GABRG3: variants seen among roughly 807,000 people sequenced by gnomAD.
GABRG3 encodes the protein gamma-aminobutyric acid receptor subunit gamma-3.
A neutral mutation model predicts 48.8 loss-of-function variants in GABRG3; 25 were observed. That is an observed-to-expected ratio of 0.51 (90% CI 0.37 to 0.72). The LOEUF (loss-of-function observed/expected upper bound fraction) is 0.72, where lower values mean the gene tolerates loss of function less well. Among genes scored for constraint, GABRG3 ranks in the 30% least tolerant of loss-of-function variants. The probability of loss-of-function intolerance (pLI) is 0.00; values close to 1 mark genes in which losing one functional copy is unlikely to be tolerated. For missense variants in GABRG3, 394 were observed against 577.9 expected (o/e 0.68, Z 3.26); for synonymous variants, 227 against 217.6 (o/e 1.04, Z -0.38).
chr15:27,499,024 C>A (rs377298842), intron 6 of GABRG3, among the ~76,000 whole-genome samples: 2 of 152,188 alleles, frequency 1.3e-5, no homozygotes, highest in African/African-American at 4.8e-5. Context: ...GATATCTGCT[C>A]ATCAGTACTT....
chr15:27,326,703 G>A, intron 3 of GABRG3, 106 bp from the exon 4 acceptor site: 2 of 836,148 alleles, frequency 2.4e-6, no homozygotes, highest in Non-Finnish European at 3.9e-6. Flanking sequence ...GAATTGGGGA[G>A]GTGAGGATGT....
rs534701786 is a variant in GABRG3, at chr15:27,308,392, CATATA to C, written c.271-18410_271-18406del. On this transcript the variant is annotated intron_variant, in intron 3 of 9. Transcript: ENST00000615808. ...ATATAAACATTTGTTTATATATAAA[CATATA>C]ATATAAACATATATAAACATGTAAT... is the stretch of plus-strand genomic sequence containing the variant. Among the ~76,000 whole-genome samples, 344 of 139,168 alleles carry C rather than the reference CATATA, an allele frequency of 2.5e-3. 6 individuals are homozygous for C. The highest frequency in any genetic ancestry group is 7.8e-3 in the African/African-American group (281 of 36,224). The allele number at this position is 139,168 out of a possible 152,430, so 91.3% of individuals were successfully genotyped here. A position where few individuals can be genotyped will look rare whatever the true frequency, so the allele number is the denominator to read the frequency against.
At chr15:27,493,320 T>TA (rs1050125832) in intron 6 of GABRG3, among the ~76,000 whole-genome samples, 1 of 151,994 alleles carries the variant, frequency 6.6e-6, no homozygotes, top group Non-Finnish European at 1.5e-5. Flanking sequence ...ATTTTTTTTT[T>TA]AAAAAACTTA....
intron 5 of GABRG3, among the ~76,000 whole-genome samples, chr15:27,353,698 C>T (rs536244529): frequency 6.6e-5 from 10 of 152,120 alleles, no homozygotes; most frequent in Non-Finnish European, 1.3e-4. Flanking sequence ...CCCACCTCAC[C>T]TCTCAAAGTG....
chr15:27,324,052 G>A (rs987417605), intron 3 of GABRG3, among the ~76,000 whole-genome samples: 3 of 152,216 alleles, frequency 2.0e-5, no homozygotes, highest in Admixed American at 2.0e-4. Context: ...TGCAAGCAGG[G>A]AAGCCGCGGT....
At chr15:27,217,089 C>T (rs2079310256) in intron 3 of GABRG3, among the ~76,000 whole-genome samples, 1 of 150,852 alleles carries the variant, frequency 6.6e-6, no homozygotes, top group Non-Finnish European at 1.5e-5. Context: ...CATCCACGTC[C>T]CTACAAAGGA....
At chr15:27,094,508 T>C (rs923991833) in intron 3 of GABRG3, among the ~76,000 whole-genome samples, 1 of 152,196 alleles carries the variant, frequency 6.6e-6, no homozygotes, top group Admixed American at 6.5e-5. Context: ...CAGATGGGAT[T>C]GACCTTCCTG....
chr15:27,192,956 T>G (rs1239817535), intron 3 of GABRG3, among the ~76,000 whole-genome samples: 1 of 152,206 alleles, frequency 6.6e-6, no homozygotes, highest in Admixed American at 6.5e-5. Flanking sequence ...CAGCTGCAGG[T>G]CTGTTGGAGT....
intron 3 of GABRG3, among the ~76,000 whole-genome samples, chr15:27,196,041 T>C (rs1426555222): frequency 6.6e-6 from 1 of 152,180 alleles, no homozygotes; most frequent in Admixed American, 6.5e-5. Flanking sequence ...CATCTTCCCT[T>C]GGAGGTGTAG....
chr15:27,030,599 A>G (rs949700432), intron 3 of GABRG3, among the ~76,000 whole-genome samples: 1 of 152,254 alleles, frequency 6.6e-6, no homozygotes, highest in Non-Finnish European at 1.5e-5. Context: ...TTTCCACACC[A>G]GGAAAGCTGC....
chr15:27,121,244 G>A (rs183874082), intron 3 of GABRG3, among the ~76,000 whole-genome samples: 1 of 152,312 alleles, frequency 6.6e-6, no homozygotes, highest in Admixed American at 6.5e-5. Flanking sequence ...ACAGAATGGA[G>A]TTTGTGTCTG....
intron 5 of GABRG3, among the ~76,000 whole-genome samples, chr15:27,439,790 A>T (rs1888727765): frequency 6.6e-6 from 1 of 151,930 alleles, no homozygotes; most frequent in Non-Finnish European, 1.5e-5. Context: ...GGATCTCCCA[A>T]CTCTATTTCC....
intron 5 of GABRG3, among the ~76,000 whole-genome samples, chr15:27,413,948 G>A (rs999498057): frequency 1.3e-5 from 2 of 152,184 alleles, no homozygotes; most frequent in Non-Finnish European, 2.9e-5. Flanking sequence ...TTAGGTCTCT[G>A]ATTTATTCTA....
intron 3 of GABRG3, among the ~76,000 whole-genome samples, chr15:27,275,491 G>A (rs1891222901): frequency 6.6e-6 from 1 of 152,154 alleles, no homozygotes; most frequent in Non-Finnish European, 1.5e-5. Flanking sequence ...TATGGGAATT[G>A]AATGGAGAAA....
At chr15:27,133,554 T>A (rs12372994) in intron 3 of GABRG3, among the ~76,000 whole-genome samples, 54,468 of 152,028 alleles carry the variant, frequency 0.36, 10,175 homozygotes, top group Middle Eastern at 0.4. Flanking sequence ...TTTCTACCTT[T>A]GAAACAGGCT....
At chr15:27,065,880 C>T (rs1415237118) in intron 3 of GABRG3, among the ~76,000 whole-genome samples, 16 of 152,206 alleles carry the variant, frequency 1.1e-4, no homozygotes, top group Admixed American at 8.5e-4. Context: ...AGCTGCAACA[C>T]TGTGTGGACT....
chr15:27,375,252 C>T (rs1163525050), intron 5 of GABRG3, among the ~76,000 whole-genome samples: 2 of 152,106 alleles, frequency 1.3e-5, no homozygotes, highest in African/African-American at 4.8e-5. Context: ...GATTGTTTTT[C>T]TTCTCTGTGG....
chr15:26,976,884 G>T lies in GABRG3; in HGVS notation c.54-118G>T. ...TTTTCGGGTTTTCACGTGTGTGGTT[G>T]GGCTGTGGGTACTGGGGACTTTCTA... On this transcript the variant is annotated intron_variant, in intron 1 of 9. Coordinates refer to ENST00000615808, the MANE Select transcript of GABRG3 (RefSeq NM_033223.5). This position sits in a 1 kb window ranked among gnomAD's most constrained non-coding sequence, Gnocchi z 7.8. The T allele has an allele frequency of 8.8e-6, 8 of 912,216 alleles. No homozygotes were observed. Among genetic ancestry groups the T allele is most frequent in the Non-Finnish European group, 1.4e-5 (8 of 585,508 alleles). 56.5% of individuals were successfully genotyped at this position (912,216 alleles called of 1,614,324 possible).
rs1566975088 is a variant in GABRG3 at position 27,236,062 on chromosome 15, A to G, written c.271-90747A>G. 6.6e-6 allele frequency among the ~76,000 whole-genome samples: 1 copy of G among 152,218 alleles called. No homozygotes were observed. Among genetic ancestry groups the G allele is most frequent in the Non-Finnish European group, 1.5e-5 (1 of 68,030 alleles). ...AAAATAATCCTTATATGAGAGAGAC[A>G]TATTTTGGGGTAGCATATTCTGGTC... On this transcript the variant is annotated intron_variant, in intron 3 of 9. Coordinates refer to ENST00000615808, the MANE Select transcript of GABRG3 (RefSeq NM_033223.5). This position sits in a 1 kb window ranked among gnomAD's most constrained non-coding sequence, Gnocchi z 4.4.
Sources: gnomAD v4.1 joint callset for allele counts (sites outside exome capture counted in the v4.1 genomes callset) on GRCh38, gnomAD v4.1.1 for gene constraint, Gnocchi (gnomAD v3.1) non-coding constraint, MANE v1.5 for transcripts, NCBI Gene and HGNC (gene_info 2026-07-23, HGNC 2026-07-21) for gene names.